ANGPTL6: variants seen among roughly 807,000 people sequenced by gnomAD.
The protein encoded by ANGPTL6 is angiopoietin like 6, also known as angiopoietin-related protein 6.
A neutral mutation model predicts 47.4 loss-of-function variants in ANGPTL6; 45 were observed. The observed-to-expected ratio is 0.95, with a 90% CI of 0.75 to 1.22. ANGPTL6 has a LOEUF of 1.22. Ranked by LOEUF, ANGPTL6 falls within the 50% of genes most tolerant of loss-of-function variation. ANGPTL6 has a pLI of 0.00. For missense variants in ANGPTL6, 698 were observed against 669.4 expected (o/e 1.04, Z -0.47); for synonymous variants, 290 against 295.9 (o/e 0.98, Z 0.20).
Position 10,092,742 on chromosome 19 carries a change from G to C in ANGPTL6, c.1260C>G (p.Tyr420Ter). The change falls in exon 6 of 6, where the codon TAC becomes TAG. Residue 420 changes from tyrosine to a stop codon, truncating the protein, a stop_gained. Transcript: ENST00000253109. LOFTEE classifies it high-confidence loss of function. ...CALYQRGGWW[Y>*]HACAHSNLNG... ...TGAGGTTGGAGTGGGCACAGGCATG[G>C]TACCACCAGCCTCCCCGCTGGTACA... 1 of 1,611,394 alleles carries C rather than the reference G, an allele frequency of 6.2e-7. No individual in the cohort carries two copies. The highest frequency in any genetic ancestry group is 1.7e-5 in the Admixed American group (1 of 59,910).
chr19:10,103,650 GAATT>G (rs202198144), upstream of ANGPTL6, among the ~76,000 whole-genome samples: 4,748 of 148,826 alleles, frequency 0.032, 262 homozygotes, highest in African/African-American at 0.11. Context: ...ATAAAGTGAG[GAATT>G]AATTAATTAA....
chr19:10,101,196 G>A (rs1045029495), intron 1 of ANGPTL6, among the ~76,000 whole-genome samples: 2 of 150,896 alleles, frequency 1.3e-5, no homozygotes, highest in African/African-American at 2.4e-5. Flanking sequence ...GCAATAGAGC[G>A]AGACTCTGTC....
chr19:10,106,000 C>T (rs2088810310), upstream of ANGPTL6, among the ~76,000 whole-genome samples: 1 of 152,206 alleles, frequency 6.6e-6, no homozygotes, highest in Non-Finnish European at 1.5e-5. Context: ...AAGTACTTGG[C>T]GCCAGAGCGC....
upstream of ANGPTL6, among the ~76,000 whole-genome samples, chr19:10,105,889 T>C (rs1216481719): frequency 6.6e-6 from 1 of 152,218 alleles, no homozygotes; most frequent in Non-Finnish European, 1.5e-5. Context: ...TCCCTCAGCC[T>C]GTCTGCAGAC....
At chr19:10,101,457 G>A (rs572664254) in intron 1 of ANGPTL6, among the ~76,000 whole-genome samples, 1 of 152,270 alleles carries the variant, frequency 6.6e-6, no homozygotes, top group African/African-American at 2.4e-5. Context: ...AGAAGAGGAA[G>A]AGCATTCCAG....
At chr19:10,100,579 G>A (rs1229307325) in intron 1 of ANGPTL6, among the ~76,000 whole-genome samples, 1 of 152,082 alleles carries the variant, frequency 6.6e-6, no homozygotes, top group African/African-American at 2.4e-5. Context: ...ATATCCCGAG[G>A]GTCTCCATCT....
chr19:10,100,029 T>C (rs2088645554), intron 1 of ANGPTL6, among the ~76,000 whole-genome samples: 2 of 150,770 alleles, frequency 1.3e-5, no homozygotes, highest in Non-Finnish European at 3.0e-5. Flanking sequence ...CCAGCTAATT[T>C]TTGTATTTTT....
rs2088520591 is a variant in ANGPTL6 at position 10,096,055 on chromosome 19, A to G, written c.509T>C (p.Leu170Pro). ...GATGAGACTGCTCTGCTGGGTGACG[A>G]GCTGCGCCAGCTCGCGGAACTTGAC... ...LDVKFRELAQ[L>P]VTQQSSLIAR... The change falls in exon 2 of 6, where the codon CTC becomes CCC. Residue 170 changes from leucine (L) to proline (P), a missense_variant. Physicochemically the swap from Leu to Pro is moderately conservative, Grantham distance 98. Transcript: ENST00000253109. The G allele has an allele frequency of 6.8e-7, 1 of 1,468,198 alleles. No homozygotes were observed. The allele number at this position is 1,468,198 out of a possible 1,614,324, so 90.9% of individuals were successfully genotyped here. A position where few individuals can be genotyped will look rare whatever the true frequency, so the allele number is the denominator to read the frequency against.
At chr19:10,105,523 C>T (rs1196675935), upstream of ANGPTL6, among the ~76,000 whole-genome samples, 2 of 151,192 alleles carry the variant, frequency 1.3e-5, no homozygotes, top group Admixed American at 6.6e-5. Flanking sequence ...AAGGAAACTT[C>T]TTTAGTTTCC....
At chr19:10,105,559 G>A (rs2088798434), upstream of ANGPTL6, among the ~76,000 whole-genome samples, 1 of 150,768 alleles carries the variant, frequency 6.6e-6, no homozygotes, top group African/African-American at 2.4e-5. Flanking sequence ...TGATGAAAGA[G>A]ACAACTGATG....
intron 5 of ANGPTL6, chr19:10,093,130 G>A (rs755916692): frequency 1.0e-5 from 6 of 599,176 alleles, no homozygotes; most frequent in Non-Finnish European, 1.7e-5. Flanking sequence ...TTGAACAGGA[G>A]TCTTGATTCT....
chr19:10,096,025 C>A lies in ANGPTL6; in HGVS notation c.539G>T (p.Arg180Leu). ...GCCTCCCGGGCACAGGCGCTCCAGGCGGGCGATGAGACTGCTCTGCTGGGT... is the reference window on the plus strand; with the variant it reads ...GCCTCCCGGGCACAGGCGCTCCAGGAGGGCGATGAGACTGCTCTGCTGGGT... ...LVTQQSSLIA[R>L]LERLCPGGAG... Residue 180 changes from arginine (R) to leucine (L), a missense_variant, in exon 2 of 6, where the codon CGC becomes CTC. By Grantham distance (102) the Arg-to-Leu change is moderately radical. Coordinates refer to ENST00000253109, the MANE Select transcript of ANGPTL6 (RefSeq NM_031917.3). 2.2e-6 allele frequency: 3 copies of A among 1,374,960 alleles called. No individual in the cohort carries two copies. The highest frequency in any genetic ancestry group is 1.7e-5 in the South Asian group (1 of 58,534). The allele number at this position is 1,374,960 out of a possible 1,614,324, so 85.2% of individuals were successfully genotyped here.
chr19:10,095,082 G>A lies in ANGPTL6; in HGVS notation c.583-144C>T, dbSNP rs969365890. The A allele has an allele frequency of 5.6e-6, 5 of 895,272 alleles. No homozygotes were observed. In the African/African-American group the frequency reaches 8.4e-5, roughly 15 times the overall value. 55.5% of individuals were successfully genotyped at this position (895,272 alleles called of 1,614,324 possible). ...GTGGGGGTGTCCCAGCCCTAGGAATGATCCTCCCCAAAAGCTAAACAACTT... is the reference window on the plus strand; with the variant it reads ...GTGGGGGTGTCCCAGCCCTAGGAATAATCCTCCCCAAAAGCTAAACAACTT... On this transcript the variant is annotated intron_variant, in intron 2 of 5. Coordinates refer to ENST00000253109, the MANE Select transcript of ANGPTL6 (RefSeq NM_031917.3).
upstream of ANGPTL6, among the ~76,000 whole-genome samples, chr19:10,104,650 G>T (rs1375536270): frequency 6.6e-6 from 1 of 151,966 alleles, no homozygotes; most frequent in Non-Finnish European, 1.5e-5. Context: ...ATAAATAAAG[G>T]ATATCTCATT....
upstream of ANGPTL6, chr19:10,102,808 A>G: frequency 1.0e-6 from 1 of 978,366 alleles, no homozygotes; most frequent in Non-Finnish European, 1.2e-6. Context: ...AATGAGACAG[A>G]ATTGCCAGAC....
chr19:10,099,242 T>C (rs1218854034), intron 1 of ANGPTL6, among the ~76,000 whole-genome samples: 2 of 151,724 alleles, frequency 1.3e-5, no homozygotes, highest in African/African-American at 4.8e-5. Flanking sequence ...CCTTCTTGGC[T>C]CCCACCTCCT....
rs1375979300 is a variant in ANGPTL6 at position 10,096,351 on chromosome 19, G to C, written c.213C>G (p.Arg71=). Reference sequence around the variant, plus strand: ...GCAGCTCGCGTAACAGCTCCTCGTGGCGGCCGACGCGCATGCGCAGCGCCG... The same window carrying C: ...GCAGCTCGCGTAACAGCTCCTCGTGCCGGCCGACGCGCATGCGCAGCGCCG... ...ELAALRMRVG[R]HEELLRELQR... is the part of the protein sequence containing the mutation. The change falls in exon 2 of 6, where the codon CGC becomes CGG. Residue 71 remains arginine (R), a synonymous_variant. Transcript: ENST00000253109. 4 of 1,285,626 alleles carry C rather than the reference G, an allele frequency of 3.1e-6. No homozygotes were observed. The East Asian group carries it at 1.3e-4, about 40-fold the overall frequency. 79.6% of individuals were successfully genotyped at this position (1,285,626 alleles called of 1,614,324 possible).
chr19:10,097,501 AT>A (rs1485381936), intron 1 of ANGPTL6, among the ~76,000 whole-genome samples: 2 of 151,962 alleles, frequency 1.3e-5, no homozygotes. Flanking sequence ...GGGCAAAAAA[AT>A]AAATATGTAC....
chr19:10,092,496 T>A lies in ANGPTL6; in HGVS notation c.*93A>T. 6.6e-7 allele frequency: 1 copy of A among 1,524,208 alleles called. No homozygotes were observed. 94.4% of individuals were successfully genotyped at this position (1,524,208 alleles called of 1,614,324 possible). A position where few individuals can be genotyped will look rare whatever the true frequency, so the allele number is the denominator to read the frequency against. On this transcript the variant is annotated 3_prime_UTR_variant, in exon 6 of 6. Coordinates refer to ENST00000253109, the MANE Select transcript of ANGPTL6 (RefSeq NM_031917.3). ...ACAGTGGGAAGTTCTGTGGGACACATTGGCACTGAGCCACAAAGAAGGTGT... is the reference window on the plus strand; with the variant it reads ...ACAGTGGGAAGTTCTGTGGGACACAATGGCACTGAGCCACAAAGAAGGTGT...
Sources: allele counts gnomAD v4.1 joint callset (sites outside exome capture counted in the v4.1 genomes callset), GRCh38; gene constraint gnomAD v4.1.1; transcripts MANE v1.5; gene names NCBI Gene and HGNC (gene_info 2026-07-23, HGNC 2026-07-21).